Variants in HROB observed in about 807,000 individuals in gnomAD.
HROB encodes the protein homologous recombination factor with OB-fold.
A neutral mutation model predicts 61.0 loss-of-function variants in HROB; 44 were observed. The observed-to-expected ratio is 0.72, with a 90% confidence interval of 0.57 to 0.93. HROB has a LOEUF of 0.93. Ranked by LOEUF, HROB falls within the 40% of genes least tolerant of loss-of-function variation. HROB has a pLI of 0.00. For synonymous variants in HROB, 301 were observed against 310.4 expected (o/e 0.97, Z 0.32); for missense variants, 716 against 796.2 (o/e 0.90, Z 1.21).
chr17:44,146,543 G>C (rs1045849821), intron 2 of HROB, among the ~76,000 whole-genome samples: 1 of 152,198 alleles, frequency 6.6e-6, no homozygotes, highest in African/African-American at 2.4e-5. Flanking sequence ...GAATCTGACA[G>C]CTGAAGTTTC....
In HROB at chr17:44,154,946, G is replaced by A. The variant is rs766408520; in HGVS notation, c.1644+8G>A. 9.9e-6 allele frequency: 16 copies of A among 1,612,218 alleles called. No individual in the cohort carries two copies. The African/African-American group carries it at 1.9e-4, about 19-fold the overall frequency. Reference sequence around the variant, plus strand: ...GTGCTGCTGCTGAAGCAGGTATGGGGAGCAGCTCTCCACACCACTGCCCCC... The same window carrying A: ...GTGCTGCTGCTGAAGCAGGTATGGGAAGCAGCTCTCCACACCACTGCCCCC... On this transcript the variant is annotated splice_region_variant and intron_variant, in intron 7 of 9. Transcript: ENST00000585683.
At chr17:44,151,859 A>G (rs572195135) in intron 4 of HROB, among the ~76,000 whole-genome samples, 1 of 151,486 alleles carries the variant, frequency 6.6e-6, no homozygotes, top group Admixed American at 6.6e-5. Flanking sequence ...ATTTTATTTT[A>G]TTTTTGAGAC....
chr17:44,160,414 A>G (rs534634049), intron 9 of HROB, among the ~76,000 whole-genome samples: 193 of 152,042 alleles, frequency 1.3e-3, no homozygotes, highest in African/African-American at 4.4e-3. Context: ...AAAAATACAC[A>G]AAAAATTAGC....
At chr17:44,142,456 A>C (rs1045915342) in intron 1 of HROB, among the ~76,000 whole-genome samples, 41 of 131,702 alleles carry the variant, frequency 3.1e-4, no homozygotes, top group African/African-American at 4.7e-4. Context: ...TCCCCGCCCC[A>C]CACTTTCTAC....
chr17:44,153,283 A>C (rs2053870483), intron 5 of HROB, among the ~76,000 whole-genome samples: 1 of 151,642 alleles, frequency 6.6e-6, no homozygotes, highest in Admixed American at 6.6e-5. Flanking sequence ...CTGTCTCTAC[A>C]AAAAAATACA....
In HROB at chr17:44,148,612, C is replaced by T. The variant is rs756148705; in HGVS notation, c.809C>T (p.Pro270Leu). Residue 270 changes from proline to leucine, a missense_variant, in exon 3 of 10, where the codon CCG (proline) becomes CTG (leucine). By Grantham distance (98) the Pro-to-Leu change is moderately conservative. Coordinates refer to ENST00000585683, the MANE Select transcript of HROB (RefSeq NM_001171251.3). Reference sequence around the variant, plus strand: ...CAGCAACTCCACTGGGAAGTCTGTCCGCAACGCTCCCCTGTTCAAGCACTT... The same window carrying T: ...CAGCAACTCCACTGGGAAGTCTGTCTGCAACGCTCCCCTGTTCAAGCACTT... ...PTQQLHWEVC[P>L]QRSPVQALQP... 2.9e-5 allele frequency: 47 copies of T among 1,613,452 alleles called. No individual in the cohort carries two copies. Among genetic ancestry groups the T allele is most frequent in the Middle Eastern group, 1.6e-4 (1 of 6,084 alleles).
intron 4 of HROB, among the ~76,000 whole-genome samples, chr17:44,151,893 C>CTGGA: frequency 6.6e-6 from 1 of 152,220 alleles, no homozygotes; most frequent in Middle Eastern, 3.4e-3. Context: ...GTTGCCCAGG[C>CTGGA]TGGAGTGCAG....
At chr17:44,151,113 A>G in intron 4 of HROB, 69 bp downstream of exon 4, 2 of 1,461,360 alleles carry the variant, frequency 1.4e-6, no homozygotes, top group Admixed American at 1.8e-5. Context: ...GTGTTTCAGG[A>G]GTTAAGAATC....
At chr17:44,160,503 G>A (rs1316963294) in intron 9 of HROB, among the ~76,000 whole-genome samples, 4 of 152,158 alleles carry the variant, frequency 2.6e-5, no homozygotes, top group Admixed American at 2.6e-4. Flanking sequence ...GGGAGGCGGA[G>A]CTTCCAGTGA....
intron 1 of HROB, 65 bp from the exon 2 acceptor site, chr17:44,145,138 G>C: frequency 1.3e-6 from 2 of 1,554,008 alleles, no homozygotes; most frequent in Non-Finnish European, 1.8e-6. Context: ...GGAAGAAGCA[G>C]AGTGAGGACA....
intron 5 of HROB, 176 bp from the exon 6 acceptor site, chr17:44,154,380 C>T: frequency 1.7e-6 from 1 of 593,588 alleles, no homozygotes; most frequent in Non-Finnish European, 3.0e-6. Flanking sequence ...TGAAGGACCT[C>T]CCAGCTCTAG....
chr17:44,154,497 A>T, intron 5 of HROB, 59 bp from the exon 6 acceptor site: 1 of 1,555,424 alleles, frequency 6.4e-7, no homozygotes, highest in Non-Finnish European at 8.9e-7. Flanking sequence ...ACACTTGGAG[A>T]CCTGGGAAGT....
intron 9 of HROB, among the ~76,000 whole-genome samples, chr17:44,160,042 G>A (rs978651325): frequency 6.6e-6 from 1 of 152,326 alleles, no homozygotes; most frequent in South Asian, 2.1e-4. Flanking sequence ...AGGCACTGGC[G>A]CTACCGCAAG....
intron 1 of HROB, among the ~76,000 whole-genome samples, chr17:44,142,999 C>T (rs2053501178): frequency 6.6e-6 from 1 of 151,964 alleles, no homozygotes; most frequent in South Asian, 2.1e-4. Context: ...TGCAGTGGTG[C>T]GATCTCCGCT....
chr17:44,145,186 GT>G lies in HROB; in HGVS notation c.4-9del, dbSNP rs773084780. On this transcript the variant is annotated splice_polypyrimidine_tract_variant and intron_variant, in intron 1 of 9. Coordinates refer to ENST00000585683, the MANE Select transcript of HROB (RefSeq NM_001171251.3). Reference sequence around the variant, plus strand: ...AAATGGTATTTCTCAACCCCAGTTGGTTTTTTTTCTTTTCAGGCGTGCAGTT... The same window carrying G: ...AAATGGTATTTCTCAACCCCAGTTGGTTTTTTTCTTTTCAGGCGTGCAGTT... 22 of 1,613,070 alleles carry G rather than the reference GT, an allele frequency of 1.4e-5. 1 individual carries two copies. The Admixed American group carries it at 2.8e-4, about 21-fold the overall frequency.
Position 44,148,664 on chromosome 17 carries a change from C to T in HROB, c.861C>T (p.Thr287=), listed in dbSNP as rs372853672. 5 of 1,613,792 alleles carry T rather than the reference C, an allele frequency of 3.1e-6. No homozygotes were observed. The African/African-American group carries it at 4.0e-5, about 13-fold the overall frequency. ...AGCCTCTCCAAGCTGCTAGAGGGACCATTCAGAGCAGCCCTCAAAATCGTT... is the reference window on the plus strand; with the variant it reads ...AGCCTCTCCAAGCTGCTAGAGGGACTATTCAGAGCAGCCCTCAAAATCGTT... ...ALQPLQAARG[T]IQSSPQNRFP... Residue 287 remains threonine (T), a synonymous_variant, in exon 3 of 10, where the codon ACC becomes ACT. Transcript: ENST00000585683.
chr17:44,154,472 C>G lies in HROB; in HGVS notation c.1450-84C>G, dbSNP rs976692202. The G allele has an allele frequency of 4.5e-6, 6 of 1,325,736 alleles. No homozygotes were observed. In the African/African-American group the frequency reaches 5.8e-5, roughly 13 times the overall value. The allele number at this position is 1,325,736 out of a possible 1,614,324, so 82.1% of individuals were successfully genotyped here. ...TAACTATACTCTGACCCCTCCTAAC[C>G]CCGGTTGCCCTGGCACACTTGGAGA... On this transcript the variant is annotated intron_variant, in intron 5 of 9. Transcript: ENST00000585683.
chr17:44,161,529 C>T (rs558736718), intron 9 of HROB, among the ~76,000 whole-genome samples: 3 of 152,312 alleles, frequency 2.0e-5, no homozygotes, highest in Non-Finnish European at 4.4e-5. Context: ...CTCCTTCAGC[C>T]AATGAGAGTT....
Position 44,148,232 on chromosome 17 carries a change from A to T in HROB, c.429A>T (p.Gln143His). Reference sequence around the variant, plus strand: ...ACCCCCTACTCACCTTTGAGAGCCAACAGCAGCAAGTTGGTGGCTTTGAGG... The same window carrying T: ...ACCCCCTACTCACCTTTGAGAGCCATCAGCAGCAAGTTGGTGGCTTTGAGG... The part of the protein sequence containing the change: ...ALHPLLTFES[Q>H]QQQVGGFEGP... Residue 143 changes from glutamine to histidine, a missense_variant, in exon 3 of 10, where the codon CAA (glutamine) becomes CAT (histidine). Coordinates refer to ENST00000585683, the MANE Select transcript of HROB (RefSeq NM_001171251.3). 6.2e-7 allele frequency: 1 copy of T among 1,614,194 alleles called. No individual in the cohort carries two copies. Among genetic ancestry groups the T allele is most frequent in the Non-Finnish European group, 8.5e-7 (1 of 1,180,022 alleles).
Sources: allele counts gnomAD v4.1 joint callset (sites outside exome capture counted in the v4.1 genomes callset), GRCh38; gene constraint gnomAD v4.1.1; transcripts MANE v1.5; gene names NCBI Gene and HGNC (gene_info 2026-07-23, HGNC 2026-07-21).